SFXN5: variants seen among roughly 807,000 people sequenced by gnomAD.
SFXN5 encodes the protein sideroflexin 5.
A neutral mutation model predicts 50.2 loss-of-function variants in SFXN5; 43 were observed. The ratio of observed to expected loss-of-function variants is 0.86; its 90% confidence interval spans 0.67 to 1.11. The LOEUF is 1.11. Ranked by LOEUF, SFXN5 falls within the 50% of genes least tolerant of loss-of-function variation. SFXN5 has a pLI of 0.00. For missense variants in SFXN5, 463 were observed against 454.1 expected, an observed-to-expected ratio of 1.02 and a Z score of -0.18; for synonymous variants, 203 against 185.8, an observed-to-expected ratio of 1.09 and a Z score of -0.75.
chr2:72,999,467 C>T (rs563172455), intron 8 of SFXN5, among the ~76,000 whole-genome samples: 1 of 152,026 alleles, frequency 6.6e-6, no homozygotes, highest in Admixed American at 6.5e-5. Flanking sequence ...CCCATGTCAA[C>T]AGATGATAGC....
At chr2:73,023,405 C>A (rs1677160414) in intron 3 of SFXN5, among the ~76,000 whole-genome samples, 191 bp from the exon 4 acceptor site, 1 of 152,004 alleles carries the variant, frequency 6.6e-6, no homozygotes, top group South Asian at 2.1e-4. Context: ...AGAGTAAGGG[C>A]CAGAGAGGTC....
chr2:72,988,362 AAAT>A lies in SFXN5; in HGVS notation c.535-17_535-15del. 1 of 1,612,056 alleles carries A rather than the reference AAAT, an allele frequency of 6.2e-7. No individual in the cohort carries two copies. Among genetic ancestry groups the A allele is most frequent in the Non-Finnish European group, 8.5e-7 (1 of 1,178,684 alleles). On this transcript the variant is annotated splice_polypyrimidine_tract_variant and intron_variant, in intron 9 of 13. Transcript: ENST00000272433. ...ATTAAGGCCCACCTTTGAAAGAAAA[AAAT>A]AAAAACACAGAAAAAGTACATGATG...
At chr2:73,020,206 T>C (rs775163946) in intron 6 of SFXN5, 33 bp downstream of exon 6, 3 of 1,602,884 alleles carry the variant, frequency 1.9e-6, no homozygotes, top group Admixed American at 1.7e-5. Flanking sequence ...AATAATTTTT[T>C]AGAAAAGGAA....
chr2:73,006,692 TGGTAGCAATAG>T (rs1674718968), intron 6 of SFXN5, among the ~76,000 whole-genome samples: 1 of 152,206 alleles, frequency 6.6e-6, no homozygotes, highest in South Asian at 2.1e-4. Flanking sequence ...CACAACACTA[TGGTAGCAATAG>T]CTAGCTAATA....
intron 9 of SFXN5, among the ~76,000 whole-genome samples, chr2:72,989,449 G>C (rs906170083): frequency 6.6e-6 from 1 of 152,120 alleles, no homozygotes. Context: ...TGTAAGTGGT[G>C]GGTGTGAGCT....
At chr2:72,957,322 G>A (rs770952106) in intron 13 of SFXN5, among the ~76,000 whole-genome samples, 1 of 152,114 alleles carries the variant, frequency 6.6e-6, no homozygotes, top group South Asian at 2.1e-4. Context: ...TCTGGCAAAT[G>A]GTAGCCATTA....
At chr2:72,976,438 TA>T (rs988347566) in intron 10 of SFXN5, among the ~76,000 whole-genome samples, 2 of 152,348 alleles carry the variant, frequency 1.3e-5, no homozygotes, top group Middle Eastern at 3.4e-3. Context: ...ATTTCAGGAA[TA>T]TTTTTTTTCT....
chr2:72,958,539 G>T (rs1409219474), intron 13 of SFXN5, among the ~76,000 whole-genome samples: 1 of 152,188 alleles, frequency 6.6e-6, no homozygotes, highest in East Asian at 1.9e-4. Context: ...GTGCAGGCAG[G>T]TGGAGTTATG....
At chr2:73,038,987 C>T (rs1382597206) in intron 3 of SFXN5, among the ~76,000 whole-genome samples, 18 of 152,096 alleles carry the variant, frequency 1.2e-4, no homozygotes, top group Admixed American at 4.6e-4. Flanking sequence ...AGTGCAGTGG[C>T]GTGATCTCGA....
At chr2:72,990,886 G>A (rs1042321527) in intron 9 of SFXN5, among the ~76,000 whole-genome samples, 2 of 152,234 alleles carry the variant, frequency 1.3e-5, no homozygotes, top group Non-Finnish European at 2.9e-5. Context: ...TGGGGCTGGG[G>A]TCCTAACGAG....
chr2:72,948,769 AG>A (rs1234626647), intron 13 of SFXN5, among the ~76,000 whole-genome samples: 1 of 152,154 alleles, frequency 6.6e-6, no homozygotes, highest in Admixed American at 6.5e-5. Context: ...GAGGTGGCTG[AG>A]GGATCAGGAG....
intron 6 of SFXN5, among the ~76,000 whole-genome samples, chr2:73,003,214 A>G (rs747510629): frequency 2.2e-4 from 34 of 152,124 alleles, no homozygotes; most frequent in Non-Finnish European, 4.6e-4. Flanking sequence ...ACTGCCTTCT[A>G]CCACCGGAGG....
chr2:73,051,250 T>C (rs965101466), intron 2 of SFXN5, among the ~76,000 whole-genome samples: 2 of 134,698 alleles, frequency 1.5e-5, no homozygotes, highest in Admixed American at 1.7e-4. Context: ...TGAGACTTTT[T>C]CCAGCACTTT....
intron 2 of SFXN5, chr2:73,041,691 T>C (rs756541155): frequency 5.3e-6 from 2 of 374,512 alleles, no homozygotes; most frequent in South Asian, 3.9e-5. Flanking sequence ...AAAGCCTTTA[T>C]AAGGAGGATT....
intron 6 of SFXN5, among the ~76,000 whole-genome samples, chr2:73,017,654 C>T (rs980725454): frequency 2.6e-5 from 4 of 152,178 alleles, no homozygotes; most frequent in African/African-American, 9.7e-5. Context: ...GTTGGAGTCT[C>T]ATTCAGGGAG....
intron 8 of SFXN5, 140 bp downstream of exon 8, chr2:73,000,291 G>T: frequency 1.3e-6 from 1 of 797,768 alleles, no homozygotes; most frequent in Non-Finnish European, 2.0e-6. Flanking sequence ...TGAAGGGCTG[G>T]CATTTTAAAT....
chr2:73,068,547 T>C (rs1168267435), intron 1 of SFXN5, among the ~76,000 whole-genome samples: 1 of 152,056 alleles, frequency 6.6e-6, no homozygotes, highest in Non-Finnish European at 1.5e-5. Context: ...GAAAAGTTGG[T>C]CCACCTCCCC....
intron 7 of SFXN5, among the ~76,000 whole-genome samples, chr2:73,001,102 C>T (rs2105693334): frequency 6.6e-6 from 1 of 152,348 alleles, no homozygotes; most frequent in South Asian, 2.1e-4. Context: ...GTCTGTGATG[C>T]ACTTCACAAC....
In SFXN5 at chr2:72,979,789, T is replaced by C. The variant is rs533842936; in HGVS notation, c.626-8104A>G. Among the ~76,000 whole-genome samples the C allele has an allele frequency of 3.3e-5, 5 of 152,322 alleles. No homozygotes were observed. The East Asian group carries it at 7.7e-4, about 23-fold the overall frequency. On this transcript the variant is annotated intron_variant, in intron 10 of 13. Transcript: ENST00000272433. ...TTACAGAATAGTATATATATATCTA[T>C]ATATGAACCCATTTGTATTAAGTTA...
Sources: gnomAD v4.1 joint callset for allele counts (sites outside exome capture counted in the v4.1 genomes callset) on GRCh38, gnomAD v4.1.1 for gene constraint, MANE v1.5 for transcripts, NCBI Gene and HGNC (gene_info 2026-07-23, HGNC 2026-07-21) for gene names.